Variants in PRMT3 observed in about 807,000 individuals in gnomAD.
The protein encoded by PRMT3 is protein arginine N-methyltransferase 3.
PRMT3 carries 62 observed loss-of-function variants against 71.9 expected under a neutral mutation model. The ratio of observed to expected loss-of-function variants is 0.86; its 90% CI spans 0.70 to 1.07. PRMT3 has a LOEUF of 1.07. Ranked by LOEUF, PRMT3 falls within the 50% of genes least tolerant of loss-of-function variation. The pLI, the probability that PRMT3 is intolerant of heterozygous loss-of-function variation, is 0.00. For missense variants in PRMT3, 663 were observed against 643.0 expected (o/e 1.03, Z -0.34); for synonymous variants, 213 against 220.4 (o/e 0.97, Z 0.30).
At chr11:20,492,041 C>CTATATAACATTGTATT (rs1198555918) in intron 13 of PRMT3, among the ~76,000 whole-genome samples, 1 of 152,122 alleles carries the variant, frequency 6.6e-6, no homozygotes, top group African/African-American at 2.4e-5. Context: ...TGAGAACCTA[C>CTATATAACATTGTATT]TATATAACAT....
chr11:20,428,149 C>A (rs763947115), intron 10 of PRMT3, among the ~76,000 whole-genome samples: 2 of 151,900 alleles, frequency 1.3e-5, no homozygotes, highest in Non-Finnish European at 2.9e-5. Flanking sequence ...AGTATTCTCA[C>A]ACCAAAGAAT....
chr11:20,441,263 TTTTATTTA>T (rs3044625), intron 10 of PRMT3, among the ~76,000 whole-genome samples: 34,934 of 137,908 alleles, frequency 0.25, 4,685 homozygotes, highest in African/African-American at 0.34. Flanking sequence ...GTTACTAACT[TTTTATTTA>T]TTTATTTATT....
chr11:20,458,915 T>C (rs1470298626), intron 11 of PRMT3, among the ~76,000 whole-genome samples: 1 of 152,226 alleles, frequency 6.6e-6, no homozygotes, highest in Non-Finnish European at 1.5e-5. Flanking sequence ...AATTTTTTCT[T>C]ATAAAAAAGT....
chr11:20,480,511 T>G (rs1234188944), intron 13 of PRMT3, among the ~76,000 whole-genome samples: 3 of 152,146 alleles, frequency 2.0e-5, no homozygotes, highest in African/African-American at 7.2e-5. Context: ...GAAAGCACCT[T>G]GTGCTATTTG....
At chr11:20,456,777 A>G (rs932205572) in intron 11 of PRMT3, among the ~76,000 whole-genome samples, 5 of 152,334 alleles carry the variant, frequency 3.3e-5, no homozygotes, top group Non-Finnish European at 5.9e-5. Context: ...GAATTTATCA[A>G]TTTGGAATTG....
intron 12 of PRMT3, among the ~76,000 whole-genome samples, chr11:20,463,990 A>G (rs535428818): frequency 6.6e-6 from 1 of 152,344 alleles, no homozygotes; most frequent in African/African-American, 2.4e-5. Flanking sequence ...TGAATTTTAA[A>G]ACAACTTTCT....
chr11:20,437,931 G>A (rs1849799077), intron 10 of PRMT3, among the ~76,000 whole-genome samples: 1 of 152,110 alleles, frequency 6.6e-6, no homozygotes, highest in Non-Finnish European at 1.5e-5. Flanking sequence ...CAGCAGTTTG[G>A]GAGATCCTCA....
chr11:20,460,603 T>A (rs893750889), intron 11 of PRMT3, among the ~76,000 whole-genome samples: 4 of 152,212 alleles, frequency 2.6e-5, no homozygotes, highest in South Asian at 2.1e-4. Flanking sequence ...GTCTCCAAAT[T>A]TATGTCTTCA....
In PRMT3 at chr11:20,466,919, T is replaced by C. The variant is rs944029335; in HGVS notation, c.1347+2373T>C. ...AGAAAAATGAATTATAAGTAAACTG[T>C]TACATTATATCTATAAAGTACCTTT... On this transcript the variant is annotated intron_variant, in intron 13 of 15. Transcript: ENST00000331079. Among the ~76,000 whole-genome samples, 3 of 152,236 alleles carry C rather than the reference T, an allele frequency of 2.0e-5. No homozygotes were observed. The East Asian group carries it at 5.8e-4, about 29-fold the overall frequency.
At chr11:20,472,025 A>G (rs555143259) in intron 13 of PRMT3, among the ~76,000 whole-genome samples, 3 of 152,124 alleles carry the variant, frequency 2.0e-5, no homozygotes, top group Admixed American at 6.5e-5. Context: ...TGAGAATGCT[A>G]GTGACTTTTT....
intron 7 of PRMT3, among the ~76,000 whole-genome samples, chr11:20,398,012 TAAAAAAAAAA>T (rs11424785): frequency 8.2e-6 from 1 of 121,718 alleles, no homozygotes; most frequent in Non-Finnish European, 1.7e-5. Flanking sequence ...TGTCTCTATT[TAAAAAAAAAA>T]AAAAAAAAAA....
At chr11:20,482,956 C>T (rs973138398) in intron 13 of PRMT3, among the ~76,000 whole-genome samples, 1 of 152,028 alleles carries the variant, frequency 6.6e-6, no homozygotes, top group Non-Finnish European at 1.5e-5. Flanking sequence ...ATATCAGGTA[C>T]ATAACAGAAG....
At chr11:20,409,660 C>CAA (rs916135700) in intron 9 of PRMT3, among the ~76,000 whole-genome samples, 4 of 132,588 alleles carry the variant, frequency 3.0e-5, no homozygotes, top group African/African-American at 1.1e-4. Flanking sequence ...CACAAACACA[C>CAA]ACACACACAC....
intron 10 of PRMT3, among the ~76,000 whole-genome samples, chr11:20,446,569 T>C (rs1171430133): frequency 6.6e-6 from 1 of 152,156 alleles, no homozygotes; most frequent in East Asian, 1.9e-4. Flanking sequence ...GCTCTATACC[T>C]TTCCCTTTTA....
chr11:20,440,489 C>T (rs138088556), intron 10 of PRMT3, among the ~76,000 whole-genome samples: 44 of 115,924 alleles, frequency 3.8e-4, no homozygotes, highest in African/African-American at 1.2e-3. Context: ...ACTAAAAATA[C>T]AAAAAAAAAA....
intron 9 of PRMT3, among the ~76,000 whole-genome samples, chr11:20,412,010 G>T (rs1488279854): frequency 2.6e-5 from 4 of 152,174 alleles, no homozygotes; most frequent in Middle Eastern, 3.4e-3. Context: ...TTTGTACAGT[G>T]TGGAAATTGA....
intron 11 of PRMT3, among the ~76,000 whole-genome samples, chr11:20,456,162 A>G (rs1350613837): frequency 1.3e-5 from 2 of 152,184 alleles, no homozygotes; most frequent in African/African-American, 2.4e-5. Flanking sequence ...TCTCCCACAT[A>G]TAGGTAGATT....
intron 11 of PRMT3, among the ~76,000 whole-genome samples, chr11:20,458,160 T>C (rs1850309029): frequency 6.6e-6 from 1 of 152,196 alleles, no homozygotes; most frequent in Admixed American, 6.5e-5. Flanking sequence ...CACTAAAATC[T>C]TCATATTGTT....
chr11:20,503,650 T>G (rs6483698), intron 15 of PRMT3, among the ~76,000 whole-genome samples: 147,312 of 151,450 alleles, frequency 0.97, 71,970 homozygotes, highest in Middle Eastern at 1. Flanking sequence ...TTTGAGATTC[T>G]TCTATCATTA....
Sources: allele counts gnomAD v4.1 joint callset (sites outside exome capture counted in the v4.1 genomes callset), GRCh38; gene constraint gnomAD v4.1.1; transcripts MANE v1.5; gene names NCBI Gene and HGNC (gene_info 2026-07-23, HGNC 2026-07-21).